The following STAG1 variants were observed in gnomAD, a reference collection of about 807,000 sequenced individuals.
The protein encoded by STAG1 is cohesin subunit SA-1.
STAG1 carries 26 observed loss-of-function variants against 170.9 expected under a neutral mutation model. That is an observed-to-expected ratio of 0.15 (90% confidence interval 0.11 to 0.21). STAG1 has a LOEUF of 0.21. Among genes scored for constraint, STAG1 ranks in the 10% least tolerant of loss-of-function variants. The pLI is 1.00. For missense variants in STAG1, 964 were observed against 1,509.5 expected (o/e 0.64, Z 5.99); for synonymous variants, 514 against 497.7 (o/e 1.03, Z -0.44).
chr3:136,509,352 A>T (rs953845796), intron 7 of STAG1, among the ~76,000 whole-genome samples: 1 of 151,898 alleles, frequency 6.6e-6, no homozygotes, highest in African/African-American at 2.4e-5. Context: ...AGTATAATAC[A>T]CTAAGGGGAT....
In STAG1 at chr3:136,568,811, T is replaced by C; in HGVS notation, c.348A>G (p.Ala116=). 1 of 1,612,538 alleles carries C rather than the reference T, an allele frequency of 6.2e-7. No individual in the cohort carries two copies. The highest frequency in any genetic ancestry group is 1.1e-5 in the South Asian group (1 of 91,020). The change falls in exon 5 of 34, where the codon GCA becomes GCG. Residue 116 remains alanine, a synonymous_variant. Transcript: ENST00000383202. ...IESYKQDRDI[A]LLDLINFFIQ... is the part of the protein sequence containing the mutation. ...TAAAAAAGTTGATTAAATCCAGAAG[T>C]GCGATGTCCCTGTCTTGTTTATATG...
rs148490560 is a variant in STAG1 at position 136,443,345 on chromosome 3, C to T, written c.1488G>A (p.Leu496=). The change falls in exon 15 of 34, where the codon TTG becomes TTA. Residue 496 remains leucine, a synonymous_variant. Coordinates refer to ENST00000383202, the MANE Select transcript of STAG1 (RefSeq NM_005862.3). ...DSLWESSQEL[L]KDWECMTELL... ...ACTCTGTCATACATTCCCAGTCTTTCAACAGTTCTTGAGAGCTCTCCCATA... is the reference window on the plus strand; with the variant it reads ...ACTCTGTCATACATTCCCAGTCTTTTAACAGTTCTTGAGAGCTCTCCCATA... The T allele has an allele frequency of 1.9e-4, 313 of 1,613,916 alleles. 1 individual carries two copies. In the East Asian group the frequency reaches 6.8e-3, roughly 35 times the overall value.
rs71714671 is a variant in STAG1, at chr3:136,714,938, A to AATATAT, written c.-84+37251_-84+37256dup. Among the ~76,000 whole-genome samples the AATATAT allele has an allele frequency of 5.4e-3, 512 of 95,666 alleles. 6 individuals are homozygous for AATATAT. The highest frequency in any genetic ancestry group is 0.011 in the African/African-American group (280 of 24,848). The allele number at this position is 95,666 out of a possible 152,430, so 62.8% of individuals were successfully genotyped here. A position where few individuals can be genotyped will look rare whatever the true frequency, so the allele number is the denominator to read the frequency against. On this transcript the variant is annotated intron_variant, in intron 1 of 33. Transcript: ENST00000383202. ...AAAAAAAAAACAAATATATATATTA[A>AATATAT]ATATATATATATATATATATATATA...
chr3:136,504,195 C>T (rs1281749628), intron 7 of STAG1, among the ~76,000 whole-genome samples: 3 of 152,056 alleles, frequency 2.0e-5, no homozygotes, highest in African/African-American at 4.8e-5. Flanking sequence ...ATAATTGCTG[C>T]TGTCCTTAAA....
chr3:136,742,820 T>C (rs1934740585), intron 1 of STAG1, among the ~76,000 whole-genome samples: 1 of 151,834 alleles, frequency 6.6e-6, no homozygotes, highest in Non-Finnish European at 1.5e-5. Flanking sequence ...ATTATAAACA[T>C]AAAACACATC....
intron 1 of STAG1, among the ~76,000 whole-genome samples, chr3:136,717,845 C>T (rs1943584253): frequency 6.6e-6 from 1 of 152,082 alleles, no homozygotes; most frequent in South Asian, 2.1e-4. Context: ...AGAAATAATT[C>T]CTCTAAAGCA....
chr3:136,604,928 G>T (rs972036135), intron 3 of STAG1, among the ~76,000 whole-genome samples: 4 of 152,186 alleles, frequency 2.6e-5, no homozygotes, highest in Non-Finnish European at 4.4e-5. Flanking sequence ...GGAATTAACA[G>T]CATGAGCCAC....
In STAG1 at chr3:136,470,891, C is replaced by T. The variant is rs536514125; in HGVS notation, c.1205+1522G>A. Among the ~76,000 whole-genome samples the T allele has an allele frequency of 2.0e-5, 3 of 151,158 alleles. No individual in the cohort carries two copies. In the South Asian group the frequency reaches 6.3e-4, roughly 32 times the overall value. On this transcript the variant is annotated intron_variant, in intron 12 of 33. Transcript: ENST00000383202. ...AGGAAACTATCACAAGGACAAAAAACCAAACACTGCATGTTCTCACTCATA... is the reference window on the plus strand; with the variant it reads ...AGGAAACTATCACAAGGACAAAAAATCAAACACTGCATGTTCTCACTCATA...
intron 15 of STAG1, among the ~76,000 whole-genome samples, chr3:136,438,225 C>A (rs1363180150): frequency 6.9e-6 from 1 of 145,428 alleles, no homozygotes; most frequent in African/African-American, 2.5e-5. Flanking sequence ...GGTCCCTTAT[C>A]GTTTAGTTTC....
chr3:136,524,732 T>C (rs985022090), intron 6 of STAG1, among the ~76,000 whole-genome samples: 4 of 152,108 alleles, frequency 2.6e-5, no homozygotes, highest in African/African-American at 4.8e-5. Context: ...GGCTGTGGGT[T>C]TGTCATAGAT....
chr3:136,637,629 C>G (rs191422069), intron 1 of STAG1, among the ~76,000 whole-genome samples: 177 of 152,208 alleles, frequency 1.2e-3, no homozygotes, highest in African/African-American at 2.5e-3. Context: ...TCTCATACCA[C>G]GTATTCTACT....
At chr3:136,558,975 C>T (rs1376925064) in intron 5 of STAG1, among the ~76,000 whole-genome samples, 1 of 152,128 alleles carries the variant, frequency 6.6e-6, no homozygotes, top group African/African-American at 2.4e-5. Flanking sequence ...CTTTTGCAGA[C>T]ATTTTTGCTT....
At chr3:136,652,149 C>T (rs1186435221) in intron 1 of STAG1, among the ~76,000 whole-genome samples, 1 of 152,196 alleles carries the variant, frequency 6.6e-6, no homozygotes. Flanking sequence ...AAACCTTTCA[C>T]ATCAAAACGA....
rs1353258172 is a variant in STAG1 at position 136,336,435 on chromosome 3, G to A, written c.*1819C>T. ...GAGTAGATATTTAGCCTTTTTGTGT[G>A]GCATGGTAGTCTACAATTCTGTCAG... On this transcript the variant is annotated 3_prime_UTR_variant, in exon 34 of 34. Transcript: ENST00000383202. 2 of 152,238 alleles carry A rather than the reference G, an allele frequency of 1.3e-5. No individual in the cohort carries two copies. The highest frequency in any genetic ancestry group is 4.8e-5 in the African/African-American group (2 of 41,460). The allele number at this position is 152,238 out of a possible 1,614,324, so 9.4% of individuals were successfully genotyped here.
chr3:136,682,110 T>C (rs1466738332), intron 1 of STAG1, among the ~76,000 whole-genome samples: 2 of 152,038 alleles, frequency 1.3e-5, no homozygotes, highest in East Asian at 3.8e-4. Flanking sequence ...AGACATGATC[T>C]TACATGTGAA....
At chr3:136,414,563 T>C (rs959400095) in intron 21 of STAG1, among the ~76,000 whole-genome samples, 4 of 152,160 alleles carry the variant, frequency 2.6e-5, no homozygotes, top group Non-Finnish European at 5.9e-5. Flanking sequence ...AAGTCATCCA[T>C]GAACACTGAT....
At chr3:136,427,681 TA>T (rs1332906298) in intron 16 of STAG1, among the ~76,000 whole-genome samples, 1 of 151,902 alleles carries the variant, frequency 6.6e-6, no homozygotes, top group Admixed American at 6.6e-5. Flanking sequence ...AAAAAATTCT[TA>T]AAGCCATTAC....
intron 7 of STAG1, among the ~76,000 whole-genome samples, chr3:136,514,868 C>T (rs1934268833): frequency 6.6e-6 from 1 of 151,928 alleles, no homozygotes; most frequent in Non-Finnish European, 1.5e-5. Flanking sequence ...ACACTGAGAA[C>T]ACTTGGACAC....
chr3:136,350,505 A>C (rs1045496200), intron 28 of STAG1, among the ~76,000 whole-genome samples: 2 of 152,158 alleles, frequency 1.3e-5, no homozygotes, highest in Non-Finnish European at 2.9e-5. Context: ...TGGAACCCTG[A>C]ATGCCCCACC....
Sources: allele counts gnomAD v4.1 joint callset (sites outside exome capture counted in the v4.1 genomes callset), GRCh38; gene constraint gnomAD v4.1.1; transcripts MANE v1.5; gene names NCBI Gene and HGNC (gene_info 2026-07-23, HGNC 2026-07-21).